Variants in FHIT observed in about 807,000 individuals in gnomAD.
FHIT encodes fragile histidine triad diadenosine triphosphatase, also known as bis(5'-adenosyl)-triphosphatase.
In FHIT, 19 loss-of-function variants were observed where a neutral mutation model predicts 17.9. The ratio of observed to expected loss-of-function variants is 1.06; its 90% confidence interval spans 0.74 to 1.56. FHIT has a LOEUF of 1.56. Ranked by LOEUF, FHIT falls within the 40% of genes most tolerant of loss-of-function variation. The probability of loss-of-function intolerance (pLI) is 0.00; values close to 1 mark genes in which losing one functional copy is unlikely to be tolerated. For synonymous variants in FHIT, 81 were observed against 69.7 expected (o/e 1.16, Z -0.81); for missense variants, 248 against 189.2 (o/e 1.31, Z -1.82).
chr3:60,378,385 G>A (rs1375367659), intron 5 of FHIT, among the ~76,000 whole-genome samples: 2 of 152,142 alleles, frequency 1.3e-5, no homozygotes, highest in African/African-American at 2.4e-5. Flanking sequence ...TTTTCTTCAG[G>A]TATGTTCCTG....
chr3:61,115,910 A>G (rs999551637), intron 2 of FHIT, among the ~76,000 whole-genome samples: 4 of 152,196 alleles, frequency 2.6e-5, no homozygotes, highest in African/African-American at 9.7e-5. Flanking sequence ...ACCGTCTCCC[A>G]AACAGCCAGA....
chr3:60,497,704 T>C (rs1384981493), intron 5 of FHIT, among the ~76,000 whole-genome samples: 1 of 152,206 alleles, frequency 6.6e-6, no homozygotes, highest in Non-Finnish European at 1.5e-5. Context: ...CAGAGAAAGC[T>C]AATTCCGTCC....
intron 4 of FHIT, among the ~76,000 whole-genome samples, chr3:60,788,691 A>T (rs1700668025): frequency 6.6e-6 from 1 of 152,204 alleles, no homozygotes; most frequent in African/African-American, 2.4e-5. Flanking sequence ...CTAAGTGAAT[A>T]TTCCTACTCC....
chr3:59,854,259 A>G (rs1388021834), intron 8 of FHIT, among the ~76,000 whole-genome samples: 1 of 152,200 alleles, frequency 6.6e-6, no homozygotes, highest in Admixed American at 6.5e-5. Flanking sequence ...TCCCTGCTGT[A>G]TAACTCGCCC....
Position 61,243,394 on chromosome 3 carries a change from T to C in FHIT, c.-213+7907A>G, listed in dbSNP as rs545008962. ...AAAGTAGAGAAAGGATTGTTTTTCT[T>C]TTTTCCTCCCTCACAATCACCACAT... On this transcript the variant is annotated intron_variant, in intron 1 of 9. Coordinates refer to ENST00000492590, the MANE Select transcript of FHIT (RefSeq NM_002012.4). Among the ~76,000 whole-genome samples the C allele has an allele frequency of 3.3e-5, 5 of 152,294 alleles. No individual in the cohort carries two copies. The East Asian group carries it at 7.7e-4, about 24-fold the overall frequency.
intron 4 of FHIT, among the ~76,000 whole-genome samples, chr3:60,576,092 C>G (rs2107671668): frequency 6.6e-6 from 1 of 152,072 alleles, no homozygotes; most frequent in South Asian, 2.1e-4. Flanking sequence ...GGAGGAAGTC[C>G]AGGAGACGCA....
At chr3:60,474,794 T>C (rs1483683771) in intron 5 of FHIT, among the ~76,000 whole-genome samples, 4 of 152,060 alleles carry the variant, frequency 2.6e-5, no homozygotes, top group Admixed American at 2.0e-4. Context: ...CAGCTACTTT[T>C]GTATTTTTAG....
At chr3:61,149,742 T>A (rs2037330340) in intron 2 of FHIT, among the ~76,000 whole-genome samples, 1 of 151,856 alleles carries the variant, frequency 6.6e-6, no homozygotes, top group Non-Finnish European at 1.5e-5. Context: ...TAGCCATATG[T>A]GGTGGTGCGC....
At chr3:59,846,139 T>C (rs1035876304) in intron 8 of FHIT, among the ~76,000 whole-genome samples, 3 of 152,140 alleles carry the variant, frequency 2.0e-5, no homozygotes, top group Non-Finnish European at 2.9e-5. Context: ...ACTTGTTTTC[T>C]ATATGCCTTA....
At chr3:59,992,824 A>G (rs569754711) in intron 7 of FHIT, among the ~76,000 whole-genome samples, 91 of 152,068 alleles carry the variant, frequency 6.0e-4, no homozygotes, top group Non-Finnish European at 1.1e-3. Context: ...CCCTCGCAAC[A>G]GTGTCAGTGT....
At chr3:60,167,301 T>C (rs1284159230) in intron 5 of FHIT, among the ~76,000 whole-genome samples, 2 of 152,236 alleles carry the variant, frequency 1.3e-5, no homozygotes, top group African/African-American at 2.4e-5. Context: ...AACTATTTGT[T>C]GACTAAAATA....
At chr3:61,183,186 G>T (rs952992756) in intron 2 of FHIT, among the ~76,000 whole-genome samples, 4 of 152,116 alleles carry the variant, frequency 2.6e-5, no homozygotes, top group African/African-American at 9.7e-5. Context: ...CTCTCTCTGG[G>T]TATCCTTCTC....
At chr3:60,242,446 T>C (rs545420484) in intron 5 of FHIT, among the ~76,000 whole-genome samples, 117 of 152,244 alleles carry the variant, frequency 7.7e-4, no homozygotes, top group Non-Finnish European at 1.2e-3. Context: ...TTTCCAGGCA[T>C]GTTCTATATT....
At chr3:59,752,066 A>C in intron 9 of FHIT, 155 bp downstream of exon 9, 1 of 546,094 alleles carries the variant, frequency 1.8e-6, no homozygotes, top group Non-Finnish European at 3.2e-6. Context: ...ACAGTACTCA[A>C]GGGCCAGGGT....
At chr3:60,136,754 C>A (rs1699834296) in intron 5 of FHIT, among the ~76,000 whole-genome samples, 1 of 152,162 alleles carries the variant, frequency 6.6e-6, no homozygotes, top group African/African-American at 2.4e-5. Context: ...TGGGGGCTAT[C>A]CAGCCTGGCC....
rs139739916 is a variant in FHIT at position 60,179,189 on chromosome 3, G to A, written c.104-165037C>T. ...CGCATTTCAGTCTCAGTAAATCACC[G>A]CAACAATTCTCTAGTAGGTATCATT... On this transcript the variant is annotated intron_variant, in intron 5 of 9. Coordinates refer to ENST00000492590, the MANE Select transcript of FHIT (RefSeq NM_002012.4). Among the ~76,000 whole-genome samples the A allele has an allele frequency of 2.8e-3, 423 of 152,230 alleles. 3 individuals carry two copies. The highest frequency in any genetic ancestry group is 9.7e-3 in the African/African-American group (405 of 41,544).
intron 8 of FHIT, among the ~76,000 whole-genome samples, chr3:59,822,043 T>C (rs564063214): frequency 3.9e-5 from 6 of 152,344 alleles, no homozygotes; most frequent in African/African-American, 1.2e-4. Flanking sequence ...ACTGAGAACA[T>C]ACAATGTTTG....
chr3:60,262,312 G>A (rs1706345607), intron 5 of FHIT, among the ~76,000 whole-genome samples: 1 of 152,002 alleles, frequency 6.6e-6, no homozygotes, highest in South Asian at 2.1e-4. Flanking sequence ...CAGTAGCATG[G>A]TGTATTCATA....
intron 5 of FHIT, among the ~76,000 whole-genome samples, chr3:60,045,319 G>A (rs1439304571): frequency 6.6e-6 from 1 of 152,122 alleles, no homozygotes; most frequent in African/African-American, 2.4e-5. Flanking sequence ...AGTTCCACAT[G>A]GCTGGGGAGG....
Sources: allele counts gnomAD v4.1 joint callset (sites outside exome capture counted in the v4.1 genomes callset), GRCh38; gene constraint gnomAD v4.1.1; transcripts MANE v1.5; gene names NCBI Gene and HGNC (gene_info 2026-07-23, HGNC 2026-07-21).